The following SLC4A4 variants were observed in gnomAD, a reference collection of about 807,000 sequenced individuals.
SLC4A4 encodes the protein solute carrier family 4 member 4, also known as electrogenic sodium bicarbonate cotransporter 1.
SLC4A4 carries 27 observed loss-of-function variants against 111.5 expected under a neutral mutation model. The observed-to-expected ratio is 0.24, with a 90% CI of 0.18 to 0.33. The LOEUF (loss-of-function observed/expected upper bound fraction) is 0.33. Ranked by LOEUF, SLC4A4 falls within the 10% of genes least tolerant of loss-of-function variation. The pLI, the probability that SLC4A4 is intolerant of heterozygous loss-of-function variation, is 1.00. For synonymous variants in SLC4A4, 443 were observed against 463.4 expected, an observed-to-expected ratio of 0.96 and a Z score of 0.57; for missense variants, 909 against 1,315.5, an observed-to-expected ratio of 0.69 and a Z score of 4.78.
At chr4:71,416,326 G>A (rs1721821019) in intron 7 of SLC4A4, among the ~76,000 whole-genome samples, 1 of 152,176 alleles carries the variant, frequency 6.6e-6, no homozygotes, top group African/African-American at 2.4e-5. Flanking sequence ...TTCATATACT[G>A]TGATAAAAGT....
At chr4:71,085,480 C>A (rs894193299) in intron 1 of SLC4A4, among the ~76,000 whole-genome samples, 2 of 152,024 alleles carry the variant, frequency 1.3e-5, no homozygotes, top group African/African-American at 4.8e-5. Context: ...AGTCCTTGCC[C>A]ATGCCTATGT....
intron 2 of SLC4A4, among the ~76,000 whole-genome samples, chr4:71,111,776 A>T (rs1475192801): frequency 6.6e-6 from 1 of 151,686 alleles, no homozygotes; most frequent in Non-Finnish European, 1.5e-5. Flanking sequence ...GGCTCACTGC[A>T]ACCTCTGCCT....
At chr4:71,443,526 G>T (rs1374437331) in intron 8 of SLC4A4, among the ~76,000 whole-genome samples, 1 of 152,078 alleles carries the variant, frequency 6.6e-6, no homozygotes, top group African/African-American at 2.4e-5. Flanking sequence ...GAAGGCAAAG[G>T]GAAGATTCAG....
At chr4:71,493,673 C>T (rs1730142617) in intron 15 of SLC4A4, among the ~76,000 whole-genome samples, 1 of 151,602 alleles carries the variant, frequency 6.6e-6, no homozygotes, top group Admixed American at 6.6e-5. Context: ...TTCTCCGTCC[C>T]TCTCTCTTCC....
intron 8 of SLC4A4, among the ~76,000 whole-genome samples, chr4:71,443,080 A>G (rs1477335861): frequency 3.5e-5 from 3 of 84,904 alleles, no homozygotes; most frequent in Non-Finnish European, 6.7e-5. Flanking sequence ...CACAGAGGCC[A>G]CTACTCTCTC....
chr4:71,458,772 A>G (rs1726530636), intron 12 of SLC4A4, among the ~76,000 whole-genome samples: 1 of 152,094 alleles, frequency 6.6e-6, no homozygotes, highest in African/African-American at 2.4e-5. Context: ...TGTGTAATTT[A>G]TAACAGCAAG....
At chr4:71,218,341 A>G (rs1200395065) in intron 1 of SLC4A4, among the ~76,000 whole-genome samples, 3 of 152,212 alleles carry the variant, frequency 2.0e-5, no homozygotes, top group Non-Finnish European at 4.4e-5. Flanking sequence ...ATTATCTATT[A>G]GAGGTAACAC....
At chr4:71,250,632 G>T (rs1002002915) in intron 2 of SLC4A4, among the ~76,000 whole-genome samples, 6 of 152,104 alleles carry the variant, frequency 3.9e-5, no homozygotes, top group African/African-American at 1.4e-4. Context: ...GGAAGAATGA[G>T]GTTGTGTATA....
chr4:71,349,668 G>A (rs923122756), intron 4 of SLC4A4, among the ~76,000 whole-genome samples: 2 of 152,164 alleles, frequency 1.3e-5, no homozygotes, highest in Non-Finnish European at 2.9e-5. Context: ...TAAAACCAAG[G>A]ATGCTTTGGC....
At chr4:71,125,525 C>T (rs191595268) in intron 2 of SLC4A4, among the ~76,000 whole-genome samples, 2 of 152,258 alleles carry the variant, frequency 1.3e-5, no homozygotes, top group East Asian at 1.9e-4. Flanking sequence ...ACGCCACAGC[C>T]CTCCAGCCTG....
At chr4:71,326,898 A>G (rs1727545734) in intron 3 of SLC4A4, among the ~76,000 whole-genome samples, 1 of 152,120 alleles carries the variant, frequency 6.6e-6, no homozygotes, top group Non-Finnish European at 1.5e-5. Flanking sequence ...AGAAATGAAT[A>G]CTTAAAATGA....
At chr4:71,212,659 A>G (rs1718200645) in intron 1 of SLC4A4, among the ~76,000 whole-genome samples, 1 of 152,138 alleles carries the variant, frequency 6.6e-6, no homozygotes, top group African/African-American at 2.4e-5. Flanking sequence ...TGGCAATGAC[A>G]TTTCCTGTGT....
intron 3 of SLC4A4, among the ~76,000 whole-genome samples, chr4:71,281,263 TTAAGGGCTGC>T (rs1454753606): frequency 6.6e-6 from 1 of 152,226 alleles, no homozygotes; most frequent in East Asian, 1.9e-4. Context: ...AACGCTCTGC[TTAAGGGCTGC>T]AAATTGGGGT....
At chr4:71,142,898 T>A (rs1244438523) in intron 2 of SLC4A4, among the ~76,000 whole-genome samples, 1 of 151,412 alleles carries the variant, frequency 6.6e-6, no homozygotes, top group African/African-American at 2.4e-5. Context: ...TCCAAAGAAC[T>A]ATTTGGCACT....
chr4:71,090,276 T>A (rs7679389), intron 1 of SLC4A4, among the ~76,000 whole-genome samples: 16,553 of 152,100 alleles, frequency 0.11, 1,268 homozygotes, highest in African/African-American at 0.22. Flanking sequence ...GTGACCCAAT[T>A]TTCCAGGTGT....
chr4:71,135,374 C>A (rs1191707984), intron 2 of SLC4A4, among the ~76,000 whole-genome samples: 1 of 149,176 alleles, frequency 6.7e-6, no homozygotes, highest in Non-Finnish European at 1.5e-5. Context: ...TGGCTCACTG[C>A]AACCTCAGCC....
rs117901720 is a variant in SLC4A4 at position 71,466,867 on chromosome 4, C to T, written c.1631+290C>T. ...GGCTGATGCCTGTGGACAGCAACAC[C>T]CATGCCCCTTTGCCTTCTGGCTTCC... On this transcript the variant is annotated intron_variant, in intron 13 of 25. Transcript: ENST00000264485. 1.4e-4 allele frequency among the ~76,000 whole-genome samples: 21 copies of T among 151,030 alleles called. No homozygotes were observed. The East Asian group carries it at 3.1e-3, about 23-fold the overall frequency.
chr4:71,247,085 A>G (rs2579355), intron 2 of SLC4A4, among the ~76,000 whole-genome samples: 135,015 of 151,744 alleles, frequency 0.89, 61,596 homozygotes, highest in Non-Finnish European at 0.99. Context: ...AGTTCTGGGT[A>G]ATTGTTATAG....
chr4:71,564,633 G>A (rs901278144), intron 24 of SLC4A4, among the ~76,000 whole-genome samples: 2 of 151,898 alleles, frequency 1.3e-5, no homozygotes, highest in Non-Finnish European at 2.9e-5. Flanking sequence ...TCTACTTTGC[G>A]TTCTCATTGA....
Sources: allele counts gnomAD v4.1 joint callset (sites outside exome capture counted in the v4.1 genomes callset), GRCh38; gene constraint gnomAD v4.1.1; transcripts MANE v1.5; gene names NCBI Gene and HGNC (gene_info 2026-07-23, HGNC 2026-07-21).